PRDM16: variants seen among roughly 807,000 people sequenced by gnomAD.
PRDM16 encodes the protein histone-lysine N-methyltransferase PRDM16.
In PRDM16, 23 loss-of-function variants were observed where a neutral mutation model predicts 110.6. The ratio of observed to expected loss-of-function variants is 0.21; its 90% CI spans 0.15 to 0.29. The LOEUF is 0.29. Ranked by LOEUF, PRDM16 falls within the 10% of genes least tolerant of loss-of-function variation. The pLI is 1.00. For synonymous variants in PRDM16, 799 were observed against 781.8 expected, an observed-to-expected ratio of 1.02 and a Z score of -0.37; for missense variants, 1,615 against 1,794.3, an observed-to-expected ratio of 0.90 and a Z score of 1.81.
intron 2 of PRDM16, among the ~76,000 whole-genome samples, chr1:3,220,823 G>A (rs1639134924): frequency 6.6e-6 from 1 of 152,154 alleles, no homozygotes; most frequent in African/African-American, 2.4e-5. Context: ...GTCTGCATGG[G>A]GAAGCTCCTC....
chr1:3,224,012 G>T lies in PRDM16; in HGVS notation c.388-20075G>T, dbSNP rs148427572. On this transcript the variant is annotated intron_variant, in intron 2 of 16. Coordinates refer to ENST00000270722, the MANE Select transcript of PRDM16 (RefSeq NM_022114.4). ...TATATAATAGGAAATCTATGGCACC[G>T]ATCAGGGATTTCTCTTCCAGGGAAG... Among the ~76,000 whole-genome samples the T allele has an allele frequency of 1.2e-3, 182 of 152,230 alleles. 1 individual carries two copies. Among genetic ancestry groups the T allele is most frequent in the East Asian group, 7.3e-3 (38 of 5,176 alleles).
chr1:3,135,731 C>T (rs573967137), intron 1 of PRDM16, among the ~76,000 whole-genome samples: 38 of 152,348 alleles, frequency 2.5e-4, no homozygotes, highest in African/African-American at 7.0e-4. Flanking sequence ...ATTATAGGGT[C>T]GGGTTACCCC....
intron 1 of PRDM16, among the ~76,000 whole-genome samples, chr1:3,138,309 TAA>T (rs1288737116): frequency 6.6e-6 from 1 of 152,202 alleles, no homozygotes; most frequent in Non-Finnish European, 1.5e-5. Flanking sequence ...CATCCACTGC[TAA>T]GAGAGCTGGA....
chr1:3,093,525 C>T (rs913976453), intron 1 of PRDM16, among the ~76,000 whole-genome samples: 1 of 152,184 alleles, frequency 6.6e-6, no homozygotes, highest in Admixed American at 6.5e-5. Flanking sequence ...GTTGTGTGCT[C>T]TCTGCCTCTG....
At chr1:3,426,346 G>A in intron 14 of PRDM16, 121 bp downstream of exon 14, 1 of 748,084 alleles carries the variant, frequency 1.3e-6, no homozygotes, top group Non-Finnish European at 2.1e-6. Flanking sequence ...GATAGGCGCA[G>A]TGGGGGCCTC....
chr1:3,274,385 G>A (rs1012442882), intron 3 of PRDM16, among the ~76,000 whole-genome samples: 10 of 152,128 alleles, frequency 6.6e-5, no homozygotes, highest in African/African-American at 2.2e-4. Flanking sequence ...ATTTCATAAA[G>A]TAACATATTT....
intron 3 of PRDM16, among the ~76,000 whole-genome samples, chr1:3,276,988 A>G (rs528034602): frequency 1.3e-5 from 2 of 151,878 alleles, no homozygotes; most frequent in South Asian, 4.2e-4. Flanking sequence ...TGCCATCACC[A>G]ATCCGTTTGA....
At chr1:3,203,372 T>A (rs142397872) in intron 2 of PRDM16, among the ~76,000 whole-genome samples, 1 of 152,318 alleles carries the variant, frequency 6.6e-6, no homozygotes, top group East Asian at 1.9e-4. Context: ...CTTAGGTGAA[T>A]GAAGAGTGAA....
chr1:3,296,878 C>T (rs1641100255), intron 3 of PRDM16, among the ~76,000 whole-genome samples: 1 of 152,216 alleles, frequency 6.6e-6, no homozygotes, highest in South Asian at 2.1e-4. Flanking sequence ...GCAGTTCACA[C>T]ACCAAACCCA....
intron 3 of PRDM16, among the ~76,000 whole-genome samples, chr1:3,364,428 C>T (rs1642772723): frequency 6.6e-6 from 1 of 152,168 alleles, no homozygotes; most frequent in Admixed American, 6.5e-5. Context: ...TTGAAGCGCT[C>T]AGAGGTTAAC....
intron 2 of PRDM16, among the ~76,000 whole-genome samples, chr1:3,220,904 C>T (rs891044232): frequency 6.6e-6 from 1 of 152,234 alleles, no homozygotes; most frequent in Admixed American, 6.5e-5. Flanking sequence ...GGAGAAAGTG[C>T]ACCACAGTGG....
chr1:3,417,900 C>T lies in PRDM16; in HGVS notation c.2764C>T (p.Leu922=), dbSNP rs576629075. ...CATGAAGGCGGACTCGGGCAGCTCC[C>T]TGCAGCCCCTCCCCCACCACCCCTT... The part of the protein sequence containing the change: ...AAMKADSGSS[L]QPLPHHPFNF... The change falls in exon 11 of 17, where the codon CTG becomes TTG. Residue 922 remains leucine, a synonymous_variant. Transcript: ENST00000270722. 6.2e-7 allele frequency: 1 copy of T among 1,612,924 alleles called. No individual in the cohort carries two copies. Among genetic ancestry groups the T allele is most frequent in the African/African-American group, 1.3e-5 (1 of 75,050 alleles).
chr1:3,411,109 C>T (rs117579504), intron 8 of PRDM16, among the ~76,000 whole-genome samples: 3 of 152,274 alleles, frequency 2.0e-5, no homozygotes, highest in East Asian at 3.9e-4. Context: ...CAGACACGCA[C>T]GCTTGCAGAA....
Position 3,411,370 on chromosome 1 carries a change from T to C in PRDM16, c.1187-14T>C. 6.3e-7 allele frequency: 1 copy of C among 1,593,234 alleles called. No individual in the cohort carries two copies. Among genetic ancestry groups the C allele is most frequent in the Non-Finnish European group, 8.6e-7 (1 of 1,163,158 alleles). On this transcript the variant is annotated splice_polypyrimidine_tract_variant and intron_variant, in intron 8 of 16. Coordinates refer to ENST00000270722, the MANE Select transcript of PRDM16 (RefSeq NM_022114.4). ...TTTCATGCGGGTTTGTCTTGGCTTC[T>C]GCTGATGTTTTAGGTGAGGTCTGCC... is the stretch of plus-strand genomic sequence containing the variant.
intron 3 of PRDM16, among the ~76,000 whole-genome samples, chr1:3,325,297 G>A (rs1195845769): frequency 1.3e-5 from 2 of 152,336 alleles, no homozygotes; most frequent in East Asian, 3.9e-4. Flanking sequence ...CCCAGGAGGT[G>A]TTAGCCGGCC....
intron 1 of PRDM16, among the ~76,000 whole-genome samples, chr1:3,092,276 C>T (rs562382944): frequency 5.9e-5 from 9 of 151,910 alleles, no homozygotes; most frequent in Admixed American, 1.3e-4. Flanking sequence ...GTGCCAGGCA[C>T]GAGGGCTGCT....
intron 1 of PRDM16, among the ~76,000 whole-genome samples, chr1:3,126,165 C>G (rs924998684): frequency 2.0e-5 from 3 of 152,232 alleles, no homozygotes; most frequent in Admixed American, 1.3e-4. Context: ...ATTGTGGGCC[C>G]GGGCGCCGCT....
chr1:3,418,273 A>G (rs1035942652), intron 11 of PRDM16, among the ~76,000 whole-genome samples: 9 of 152,312 alleles, frequency 5.9e-5, no homozygotes, highest in African/African-American at 2.2e-4. Context: ...TGTGCTGGTC[A>G]GTGACTAACC....
chr1:3,333,675 C>T (rs1642088107), intron 3 of PRDM16, among the ~76,000 whole-genome samples: 1 of 152,188 alleles, frequency 6.6e-6, no homozygotes. Flanking sequence ...TGCGTCCCCT[C>T]CAAATCTCAT....
Sources: gnomAD v4.1 joint callset for allele counts (sites outside exome capture counted in the v4.1 genomes callset) on GRCh38, gnomAD v4.1.1 for gene constraint, MANE v1.5 for transcripts, NCBI Gene and HGNC (gene_info 2026-07-23, HGNC 2026-07-21) for gene names.